The following PIK3C2A variants were observed in gnomAD, a reference collection of about 807,000 sequenced individuals.
PIK3C2A encodes phosphatidylinositol-4-phosphate 3-kinase catalytic subunit type 2 alpha, also known as phosphatidylinositol 4-phosphate 3-kinase C2 domain-containing subunit alpha.
In PIK3C2A, 97 loss-of-function variants were observed where a neutral mutation model predicts 204.5. That is an observed-to-expected ratio of 0.47 (90% confidence interval 0.40 to 0.56). PIK3C2A has a LOEUF of 0.56. Among genes scored for constraint, PIK3C2A ranks in the 20% least tolerant of loss-of-function variants. PIK3C2A has a pLI of 0.00. For synonymous variants in PIK3C2A, 653 were observed against 664.4 expected (o/e 0.98, Z 0.26); for missense variants, 1,735 against 1,969.2 (o/e 0.88, Z 2.25).
intron 1 of PIK3C2A, among the ~76,000 whole-genome samples, chr11:17,179,878 T>A (rs939928256): frequency 6.6e-6 from 1 of 152,292 alleles, no homozygotes; most frequent in Non-Finnish European, 1.5e-5. Context: ...CCCAAATCAC[T>A]GGGATTACAG....
At chr11:17,126,399 A>C (rs980698076) in intron 13 of PIK3C2A, among the ~76,000 whole-genome samples, 1 of 152,122 alleles carries the variant, frequency 6.6e-6, no homozygotes, top group Admixed American at 6.6e-5. Context: ...ACAAAAAAAA[A>C]GTTTTTTAAA....
intron 11 of PIK3C2A, 151 bp downstream of exon 11, chr11:17,134,668 T>TG: frequency 1.6e-6 from 1 of 632,266 alleles, no homozygotes. Flanking sequence ...ACTGGCTAAT[T>TG]TTTTTAAAAT....
chr11:17,203,346 G>A, intron 1 of PIK3C2A, among the ~76,000 whole-genome samples: 1 of 149,584 alleles, frequency 6.7e-6, no homozygotes, highest in African/African-American at 2.5e-5. Flanking sequence ...AAAAAAAGAA[G>A]AAAGAAAAAA....
chr11:17,198,658 G>T (rs115761604), intron 1 of PIK3C2A, among the ~76,000 whole-genome samples: 90 of 152,224 alleles, frequency 5.9e-4, no homozygotes, highest in African/African-American at 2.1e-3. Context: ...TGTGCACAGT[G>T]GCATGCATCT....
intron 20 of PIK3C2A, among the ~76,000 whole-genome samples, chr11:17,112,885 A>G (rs1295243277): frequency 6.6e-6 from 1 of 151,238 alleles, no homozygotes; most frequent in African/African-American, 2.5e-5. Context: ...TCCTGGGCTC[A>G]AGTGATCCTC....
intron 2 of PIK3C2A, among the ~76,000 whole-genome samples, chr11:17,163,027 C>T (rs1426951114): frequency 6.6e-6 from 1 of 152,094 alleles, no homozygotes; most frequent in Admixed American, 6.6e-5. Flanking sequence ...ACTTGTTTGG[C>T]CAGGCACGGT....
At chr11:17,190,591 T>A (rs1472798641) in intron 1 of PIK3C2A, among the ~76,000 whole-genome samples, 1 of 148,520 alleles carries the variant, frequency 6.7e-6, no homozygotes, top group Non-Finnish European at 1.5e-5. Context: ...AAAAAAAAAA[T>A]TATGATAAAA....
At chr11:17,172,572 G>A (rs928892626) in intron 1 of PIK3C2A, among the ~76,000 whole-genome samples, 2 of 152,168 alleles carry the variant, frequency 1.3e-5, no homozygotes, top group African/African-American at 4.8e-5. Context: ...ATAGATAACT[G>A]ATAAACTTTT....
intron 1 of PIK3C2A, among the ~76,000 whole-genome samples, chr11:17,192,521 C>T (rs1007539071): frequency 1.8e-4 from 28 of 152,224 alleles, no homozygotes; most frequent in African/African-American, 6.8e-4. Context: ...AATCTCAGCT[C>T]ACTACAACCT....
At chr11:17,159,334 A>G (rs1032016524) in intron 2 of PIK3C2A, among the ~76,000 whole-genome samples, 1 of 152,264 alleles carries the variant, frequency 6.6e-6, no homozygotes, top group Non-Finnish European at 1.5e-5. Flanking sequence ...AAAGAGATAT[A>G]TGATAATCAA....
chr11:17,165,738 G>A (rs1345830263), intron 2 of PIK3C2A, among the ~76,000 whole-genome samples: 1 of 120,962 alleles, frequency 8.3e-6, no homozygotes, highest in African/African-American at 3.3e-5. Flanking sequence ...TCACGCAATT[G>A]CACTCCAGCC....
chr11:17,202,259 G>GAAAAA (rs551023337), intron 1 of PIK3C2A, among the ~76,000 whole-genome samples: 1 of 92,866 alleles, frequency 1.1e-5, no homozygotes. Flanking sequence ...TTCATCTCCA[G>GAAAAA]AAAAAAAAAA....
chr11:17,176,245 G>T (rs1043004355), intron 1 of PIK3C2A, among the ~76,000 whole-genome samples: 1 of 151,598 alleles, frequency 6.6e-6, no homozygotes, highest in African/African-American at 2.4e-5. Flanking sequence ...GACCTCAGGT[G>T]ATCCACCCGC....
intron 1 of PIK3C2A, among the ~76,000 whole-genome samples, chr11:17,176,035 ACTCT>A (rs1851327579): frequency 2.0e-5 from 3 of 148,588 alleles, no homozygotes; most frequent in African/African-American, 7.5e-5. Context: ...ACAGAGTCTC[ACTCT>A]GTCGCCCAGG....
intron 2 of PIK3C2A, among the ~76,000 whole-genome samples, chr11:17,156,937 C>G (rs1850614887): frequency 6.6e-6 from 1 of 152,024 alleles, no homozygotes; most frequent in Non-Finnish European, 1.5e-5. Flanking sequence ...CCCAGAAGTT[C>G]GAGGCCAGCC....
intron 1 of PIK3C2A, among the ~76,000 whole-genome samples, chr11:17,191,272 G>T (rs1034326578): frequency 6.6e-6 from 1 of 152,162 alleles, no homozygotes; most frequent in African/African-American, 2.4e-5. Flanking sequence ...TCTGGCCAGG[G>T]TTGGCCAACC....
chr11:17,201,920 A>G (rs1852401251), intron 1 of PIK3C2A, among the ~76,000 whole-genome samples: 1 of 152,278 alleles, frequency 6.6e-6, no homozygotes, highest in African/African-American at 2.4e-5. Context: ...GGTTTGTACT[A>G]TGTATCTAAA....
chr11:17,194,597 T>A (rs917281247), intron 1 of PIK3C2A, among the ~76,000 whole-genome samples: 3 of 152,176 alleles, frequency 2.0e-5, no homozygotes, highest in African/African-American at 4.8e-5. Flanking sequence ...GTACATAAAG[T>A]TGTTAGACAT....
rs559043564 is a variant in PIK3C2A, at chr11:17,163,563, G to A, written c.1065+5114C>T. ...ACTACAGAATAGCTGTAGTCCCAGC[G>A]TGCATCACCACACACAGCTATTTTT... is the stretch of plus-strand genomic sequence containing the variant. On this transcript the variant is annotated intron_variant, in intron 2 of 32. Transcript: ENST00000691414. Among the ~76,000 whole-genome samples the A allele has an allele frequency of 3.3e-5, 5 of 151,842 alleles. No homozygotes were observed. In the East Asian group the frequency reaches 7.8e-4, roughly 24 times the overall value.
Sources: gnomAD v4.1 joint callset for allele counts (sites outside exome capture counted in the v4.1 genomes callset) on GRCh38, gnomAD v4.1.1 for gene constraint, MANE v1.5 for transcripts, NCBI Gene and HGNC (gene_info 2026-07-23, HGNC 2026-07-21) for gene names.